The following PVT1 variants were observed in gnomAD, a reference collection of about 807,000 sequenced individuals.
PVT1 encodes CXCR4/PVT1 fusion.
At chr8:127,819,930 C>A (rs529001777) in intron 2 of PVT1, among the ~76,000 whole-genome samples, 1 of 152,180 alleles carries the variant, frequency 6.6e-6, no homozygotes, top group Non-Finnish European at 1.5e-5. Flanking sequence ...TCTCATCTGG[C>A]AGCTTCAAGG....
chr8:127,820,732 T>C (rs1474915238), intron 2 of PVT1, among the ~76,000 whole-genome samples: 1 of 151,748 alleles, frequency 6.6e-6, no homozygotes, highest in Non-Finnish European at 1.5e-5. Flanking sequence ...GTTTTTGAGA[T>C]AGAGTCTCGC....
intron 4 of PVT1, among the ~76,000 whole-genome samples, chr8:128,006,267 G>C (rs963412590): frequency 9.9e-5 from 15 of 152,026 alleles, no homozygotes; most frequent in Admixed American, 1.3e-4. Flanking sequence ...AGTTTCAAAA[G>C]ATATTTATTC....
intron 2 of PVT1, among the ~76,000 whole-genome samples, chr8:127,805,277 CG>C (rs1256643660): frequency 3.3e-5 from 5 of 151,976 alleles, no homozygotes; most frequent in Admixed American, 3.3e-4. Flanking sequence ...GTGACTGTTT[CG>C]TTGCTTACTT....
chr8:128,052,091 A>G (rs113852406), intron 4 of PVT1, among the ~76,000 whole-genome samples: 1 of 152,188 alleles, frequency 6.6e-6, no homozygotes, highest in African/African-American at 2.4e-5. Flanking sequence ...GCTGTTCACC[A>G]GTCAAGATAT....
chr8:127,810,763 C>T (rs546188510), intron 2 of PVT1, among the ~76,000 whole-genome samples: 1 of 152,260 alleles, frequency 6.6e-6, no homozygotes, highest in African/African-American at 2.4e-5. Flanking sequence ...GGAAATGGGA[C>T]AGGATTTTGT....
At chr8:128,000,451 A>G (rs1448150915) in intron 4 of PVT1, among the ~76,000 whole-genome samples, 1 of 152,212 alleles carries the variant, frequency 6.6e-6, no homozygotes, top group Non-Finnish European at 1.5e-5. Flanking sequence ...AGGCACCTCC[A>G]TGGTTGCATA....
chr8:128,094,764 A>G (rs17467189), intron 5 of PVT1, among the ~76,000 whole-genome samples: 59,616 of 152,140 alleles, frequency 0.39, 13,815 homozygotes, highest in Non-Finnish European at 0.53. Flanking sequence ...CATGAAAACC[A>G]TAGAAAAAGG....
At chr8:127,938,447 A>T (rs1170291085) in intron 3 of PVT1, among the ~76,000 whole-genome samples, 3 of 152,160 alleles carry the variant, frequency 2.0e-5, no homozygotes, top group African/African-American at 7.2e-5. Context: ...TGAAAAGAAG[A>T]GATGCTCCCA....
chr8:127,859,127 G>A (rs1815193314), intron 2 of PVT1, among the ~76,000 whole-genome samples: 1 of 152,002 alleles, frequency 6.6e-6, no homozygotes. Flanking sequence ...GTTTGTAATG[G>A]CACTCTTAAG....
chr8:127,860,235 A>G (rs1815207730), intron 2 of PVT1, among the ~76,000 whole-genome samples: 2 of 152,140 alleles, frequency 1.3e-5, no homozygotes, highest in South Asian at 4.1e-4. Flanking sequence ...TCCTGGCAGA[A>G]TCGGCTTCCA....
intron 3 of PVT1, among the ~76,000 whole-genome samples, chr8:127,945,254 G>A (rs1436753631): frequency 6.6e-6 from 1 of 151,998 alleles, no homozygotes; most frequent in African/African-American, 2.4e-5. Flanking sequence ...ATCCGCACAT[G>A]CTTTCTTGGT....
intron 4 of PVT1, among the ~76,000 whole-genome samples, chr8:128,058,543 G>T (rs761644346): frequency 6.6e-6 from 1 of 152,078 alleles, no homozygotes; most frequent in Admixed American, 6.5e-5. Flanking sequence ...AGACTTCACC[G>T]TTGTTCAGAC....
At chr8:128,010,404 T>C (rs888370279) in intron 4 of PVT1, 3 of 152,208 alleles carry the variant, frequency 2.0e-5, no homozygotes, top group Admixed American at 6.5e-5. Flanking sequence ...AATTAAAGTT[T>C]TACAAGATTT....
intron 4 of PVT1, among the ~76,000 whole-genome samples, chr8:128,036,122 G>T (rs531658958): frequency 6.6e-6 from 1 of 152,314 alleles, no homozygotes; most frequent in East Asian, 1.9e-4. Context: ...GTGGTTCCGA[G>T]GTAGATCCCT....
At chr8:128,088,249 G>A (rs1586514326) in intron 5 of PVT1, among the ~76,000 whole-genome samples, 2 of 152,314 alleles carry the variant, frequency 1.3e-5, no homozygotes, top group South Asian at 2.1e-4. Context: ...AGGTCTTCCT[G>A]TCTAAGCATG....
At chr8:127,993,577 G>A (rs1327775836) in intron 4 of PVT1, among the ~76,000 whole-genome samples, 1 of 152,236 alleles carries the variant, frequency 6.6e-6, no homozygotes, top group Non-Finnish European at 1.5e-5. Context: ...CTGGATTGCA[G>A]GGTCTAGGTC....
intron 3 of PVT1, among the ~76,000 whole-genome samples, chr8:127,943,238 A>G (rs943954073): frequency 6.6e-6 from 1 of 152,216 alleles, no homozygotes; most frequent in Non-Finnish European, 1.5e-5. Flanking sequence ...TAATCTTAAT[A>G]AGCAAAAGGA....
At chr8:127,960,688 G>A (rs1563650879) in intron 3 of PVT1, 2 of 524,732 alleles carry the variant, frequency 3.8e-6, no homozygotes, top group Non-Finnish European at 3.9e-6. Context: ...CCCTGTTCTG[G>A]AGTCTGTCTC....
chr8:128,013,074 C>T (rs1045190015), intron 4 of PVT1, among the ~76,000 whole-genome samples: 1 of 152,126 alleles, frequency 6.6e-6, no homozygotes, highest in Admixed American at 6.5e-5. Flanking sequence ...ATTCCTTCTT[C>T]CCTGAAGCCA....
Sources: gnomAD v4.1 joint callset for allele counts (sites outside exome capture counted in the v4.1 genomes callset) on GRCh38, gnomAD v4.1.1 for gene constraint, MANE v1.5 for transcripts, NCBI Gene and HGNC (gene_info 2026-07-23, HGNC 2026-07-21) for gene names.